STXBP6: variants seen among roughly 807,000 people sequenced by gnomAD.
The protein encoded by STXBP6 is syntaxin binding protein 6.
Under a neutral mutation model 26.9 loss-of-function variants are expected in STXBP6, and 21 were observed. The observed-to-expected ratio is 0.78, with a 90% CI of 0.55 to 1.12. The LOEUF (loss-of-function observed/expected upper bound fraction) is 1.12, where lower values mean the gene tolerates loss of function less well. Ranked by LOEUF, STXBP6 falls within the 50% of genes most tolerant of loss-of-function variation. STXBP6 has a pLI of 0.00. For synonymous variants in STXBP6, 97 were observed against 92.6 expected (o/e 1.05, Z -0.27); for missense variants, 232 against 257.9 (o/e 0.90, Z 0.69).
chr14:24,990,757 C>A (rs1390636904), intron 1 of STXBP6, among the ~76,000 whole-genome samples: 2 of 150,824 alleles, frequency 1.3e-5, no homozygotes, highest in Admixed American at 6.6e-5. Context: ...GTCAGTTATG[C>A]AGAAAGAGGC....
chr14:24,955,975 G>A (rs1218416312), intron 2 of STXBP6, among the ~76,000 whole-genome samples: 2 of 152,114 alleles, frequency 1.3e-5, no homozygotes, highest in African/African-American at 2.4e-5. Flanking sequence ...AGCTGGTGTC[G>A]GTGTAAGACT....
intron 5 of STXBP6, among the ~76,000 whole-genome samples, chr14:24,818,746 T>C (rs574576202): frequency 3.2e-4 from 48 of 152,218 alleles, no homozygotes; most frequent in African/African-American, 1.1e-3. Context: ...GCCTCGATAC[T>C]TGAGCCCTAA....
At chr14:25,048,505 C>T (rs2075758285) in intron 1 of STXBP6, among the ~76,000 whole-genome samples, 1 of 152,122 alleles carries the variant, frequency 6.6e-6, no homozygotes, top group Non-Finnish European at 1.5e-5. Context: ...AGACTACCCT[C>T]AAGGAAAAAG....
intron 1 of STXBP6, among the ~76,000 whole-genome samples, chr14:25,035,677 A>AT (rs577367243): frequency 1.1e-4 from 17 of 151,016 alleles, no homozygotes; most frequent in South Asian, 2.1e-4. Flanking sequence ...TGTCCTCAGA[A>AT]TTTTTTTTTT....
At chr14:24,888,721 CAAAA>C (rs11292253) in intron 2 of STXBP6, among the ~76,000 whole-genome samples, 3 of 95,140 alleles carry the variant, frequency 3.2e-5, no homozygotes. Flanking sequence ...GACTCCGTCT[CAAAA>C]AAAAAAAAAA....
chr14:24,917,219 A>C (rs2071799725), intron 2 of STXBP6, among the ~76,000 whole-genome samples: 1 of 152,126 alleles, frequency 6.6e-6, no homozygotes, highest in South Asian at 2.1e-4. Context: ...ATTTTGTAAA[A>C]AAATCTCATA....
intron 4 of STXBP6, among the ~76,000 whole-genome samples, chr14:24,847,417 T>C (rs1170547085): frequency 6.6e-6 from 1 of 152,180 alleles, no homozygotes; most frequent in East Asian, 1.9e-4. Context: ...CTTTTATCTT[T>C]TATTGTTAAT....
At chr14:24,908,880 C>G (rs761381199) in intron 2 of STXBP6, among the ~76,000 whole-genome samples, 4 of 152,148 alleles carry the variant, frequency 2.6e-5, no homozygotes, top group Non-Finnish European at 5.9e-5. Context: ...CATCACCCAC[C>G]AGCAGCTAAA....
At chr14:25,029,916 C>T (rs552182426) in intron 1 of STXBP6, among the ~76,000 whole-genome samples, 3 of 151,726 alleles carry the variant, frequency 2.0e-5, no homozygotes, top group African/African-American at 7.3e-5. Context: ...TATCACACAC[C>T]AGAGGCCAAT....
intron 2 of STXBP6, among the ~76,000 whole-genome samples, chr14:24,941,168 T>C (rs1308957856): frequency 6.6e-6 from 1 of 152,184 alleles, no homozygotes; most frequent in Non-Finnish European, 1.5e-5. Flanking sequence ...CAAATTTACT[T>C]ACTAGTACTG....
intron 4 of STXBP6, among the ~76,000 whole-genome samples, chr14:24,854,648 T>C (rs1450875005): frequency 6.6e-6 from 1 of 152,120 alleles, no homozygotes; most frequent in African/African-American, 2.4e-5. Context: ...TGTGGCCCTC[T>C]GTGGTCCTAA....
At chr14:24,929,772 C>T (rs915067394) in intron 2 of STXBP6, among the ~76,000 whole-genome samples, 5 of 152,214 alleles carry the variant, frequency 3.3e-5, no homozygotes, top group Admixed American at 2.0e-4. Flanking sequence ...CCCTGGGCAT[C>T]GCTCAATGAA....
chr14:24,966,811 A>C (rs982872985), intron 2 of STXBP6, among the ~76,000 whole-genome samples: 2 of 152,184 alleles, frequency 1.3e-5, no homozygotes, highest in Non-Finnish European at 2.9e-5. Flanking sequence ...TTTGCTCTCT[A>C]AGAGTCAAAT....
intron 1 of STXBP6, among the ~76,000 whole-genome samples, chr14:25,000,162 A>G (rs1409501028): frequency 6.6e-6 from 1 of 151,738 alleles, no homozygotes; most frequent in African/African-American, 2.4e-5. Flanking sequence ...TCCTAGGCTC[A>G]CGCCATTCTC....
chr14:24,819,231 C>T (rs758761395), intron 4 of STXBP6, 37 bp from the exon 5 acceptor site: 4 of 1,612,828 alleles, frequency 2.5e-6, no homozygotes, highest in African/African-American at 1.3e-5. Context: ...GAAACTGGCT[C>T]AGCTGACCCA....
At chr14:24,989,385 TG>T (rs2074410181) in intron 1 of STXBP6, among the ~76,000 whole-genome samples, 1 of 152,176 alleles carries the variant, frequency 6.6e-6, no homozygotes, top group Non-Finnish European at 1.5e-5. Flanking sequence ...TACTGCCCAA[TG>T]GGGCAGTAAA....
intron 2 of STXBP6, among the ~76,000 whole-genome samples, chr14:24,925,894 A>G (rs1180842033): frequency 1.3e-5 from 2 of 152,194 alleles, no homozygotes; most frequent in Non-Finnish European, 2.9e-5. Context: ...TACAACACAA[A>G]AAAGTATTTC....
At chr14:24,822,505 T>C (rs567173139) in intron 4 of STXBP6, among the ~76,000 whole-genome samples, 269 of 152,328 alleles carry the variant, frequency 1.8e-3, no homozygotes, top group Non-Finnish European at 2.9e-3. Flanking sequence ...AAGTACATAC[T>C]ACGTGCCAGG....
At chr14:24,901,236 T>C (rs763849643) in intron 2 of STXBP6, among the ~76,000 whole-genome samples, 25 of 152,020 alleles carry the variant, frequency 1.6e-4, no homozygotes, top group Non-Finnish European at 2.2e-4. Context: ...TTCTATAAAA[T>C]TGAAATGTCC....
Sources: allele counts gnomAD v4.1 joint callset (sites outside exome capture counted in the v4.1 genomes callset), GRCh38; gene constraint gnomAD v4.1.1; transcripts MANE v1.5; gene names NCBI Gene and HGNC (gene_info 2026-07-23, HGNC 2026-07-21).